HMCN2: variants seen among roughly 807,000 people sequenced by gnomAD.
HMCN2 encodes hemicentin-2.
HMCN2 carries 325 observed loss-of-function variants against 377.5 expected under a neutral mutation model. That is an observed-to-expected ratio of 0.86 (90% confidence interval 0.79 to 0.94). The LOEUF is 0.94. Among genes scored for constraint, HMCN2 ranks in the 40% least tolerant of loss-of-function variants. The probability of loss-of-function intolerance (pLI) is 0.00; values close to 1 mark genes in which losing one functional copy is unlikely to be tolerated. For synonymous variants in HMCN2, 2,007 were observed against 2,046.8 expected (o/e 0.98, Z 0.53); for missense variants, 4,543 against 4,725.3 (o/e 0.96, Z 1.13).
Position 130,410,636 on chromosome 9 carries a change from G to C in HMCN2, c.12945G>C (p.Val4315=). The stretch of plus-strand genomic sequence containing the variant: ...AGATGGGCGTGGCGAAGAAAGTGGT[G>C]ATCCTCGTCCTGCAGAGTGAGTCTC... ...ENEMGVAKKV[V]ILVLQSAPVF... Residue 4315 remains valine (V), a synonymous_variant, in exon 85 of 98, where the codon GTG becomes GTC. Coordinates refer to ENST00000683500, the MANE Select transcript of HMCN2 (RefSeq NM_001291815.2). 1 of 1,550,642 alleles carries C rather than the reference G, an allele frequency of 6.4e-7. No homozygotes were observed. Among genetic ancestry groups the C allele is most frequent in the Non-Finnish European group, 8.7e-7 (1 of 1,147,002 alleles).
At chr9:130,313,788 T>G (rs1304323858) in intron 15 of HMCN2, among the ~76,000 whole-genome samples, 2 of 146,474 alleles carry the variant, frequency 1.4e-5, no homozygotes, top group Non-Finnish European at 1.5e-5. Context: ...TTTTTTTTTT[T>G]TTTTTTTTTG....
chr9:130,346,483 G>A (rs1839397802), intron 25 of HMCN2, among the ~76,000 whole-genome samples: 1 of 151,896 alleles, frequency 6.6e-6, no homozygotes, highest in South Asian at 2.1e-4. Context: ...GGAGGCAGGG[G>A]GGTGTGGCAC....
At position 130,286,890 on chromosome 9, in the gene HMCN2, C is replaced by T. The variant is rs552192359; in HGVS notation, c.612+580C>T. ...GCCTTGCTCCTGGACAGGGCTCTGT[C>T]CTTCCTCCTCTCGGGGCTCCATGGT... On this transcript the variant is annotated intron_variant, in intron 4 of 97. Transcript: ENST00000683500. 3.7e-4 allele frequency among the ~76,000 whole-genome samples: 57 copies of T among 152,290 alleles called. 1 individual carries two copies. In the Middle Eastern group the frequency reaches 0.01, roughly 27 times the overall value.
At position 130,312,539 on chromosome 9, in the gene HMCN2, CCTTTCTTTCTTTCTTTCTTT is replaced by C. The variant is rs1187968109; in HGVS notation, c.2350+2537_2350+2556del. Among the ~76,000 whole-genome samples the C allele has an allele frequency of 6.9e-3, 46 of 6,628 alleles. 1 individual carries two copies. The highest frequency in any genetic ancestry group is 0.043 in the East Asian group (5 of 116). The allele number at this position is 6,628 out of a possible 152,430, so 4.3% of individuals were successfully genotyped here. ...TCCCTCCCTCCCTCCCTCCCTCCCT[CCTTTCTTTCTTTCTTTCTTT>C]CTTTCTTTCTTTCTTTCTTTCTTTC... is the stretch of plus-strand genomic sequence containing the variant. On this transcript the variant is annotated intron_variant, in intron 15 of 97. Coordinates refer to ENST00000683500, the MANE Select transcript of HMCN2 (RefSeq NM_001291815.2).
At chr9:130,267,835 G>A (rs1308007698) in intron 1 of HMCN2, among the ~76,000 whole-genome samples, 1 of 152,224 alleles carries the variant, frequency 6.6e-6, no homozygotes, top group Non-Finnish European at 1.5e-5. Context: ...GGGGTTGTGA[G>A]GAGGTGGGCT....
rs1836618060 is a variant in HMCN2, at chr9:130,303,220, G to C, written c.1421+219G>C. 1.3e-5 allele frequency among the ~76,000 whole-genome samples: 2 copies of C among 152,212 alleles called. No individual in the cohort carries two copies. The highest frequency in any genetic ancestry group is 6.5e-5 in the Admixed American group (1 of 15,278). On this transcript the variant is annotated intron_variant, in intron 9 of 97. Coordinates refer to ENST00000683500, the MANE Select transcript of HMCN2 (RefSeq NM_001291815.2). The surrounding 1 kb of genome is among the most constrained non-coding windows in gnomAD (Gnocchi z 5.2). Reference sequence around the variant, plus strand: ...GGGCCATCAGCTGGTGAAGGAGCCGGGGGCCTTCCTCAGCTCCTGGAAAAC... The same window carrying C: ...GGGCCATCAGCTGGTGAAGGAGCCGCGGGCCTTCCTCAGCTCCTGGAAAAC...
Position 130,310,528 on chromosome 9 carries a change from C to T in HMCN2, c.2350+467C>T, listed in dbSNP as rs371975700. On this transcript the variant is annotated intron_variant, in intron 15 of 97. Transcript: ENST00000683500. ...CACAGTCTTGGAAGTAACAAGCCAT[C>T]GCTTCTGCCCTATTCTTTTGGTCCC... Among the ~76,000 whole-genome samples, 275 of 152,316 alleles carry T rather than the reference C, an allele frequency of 1.8e-3. 1 individual carries two copies. Among genetic ancestry groups the T allele is most frequent in the Middle Eastern group, 3.4e-3 (1 of 294 alleles).
At position 130,379,254 on chromosome 9, in the gene HMCN2, C is replaced by G; in HGVS notation, c.8218C>G (p.Pro2740Ala). Residue 2740 changes from proline to alanine, a missense_variant, in exon 54 of 98, where the codon CCC becomes GCC. Coordinates refer to ENST00000683500, the MANE Select transcript of HMCN2 (RefSeq NM_001291815.2). ...QDFNVLIQVP[P>A]MFQKVGDFSA... is the part of the protein sequence containing the mutation. ...GCTTTGTCTCCCCCACCCAGTGCCCCCCATGTTCCAGAAGGTGGGTGATTT... is the reference window on the plus strand; with the variant it reads ...GCTTTGTCTCCCCCACCCAGTGCCCGCCATGTTCCAGAAGGTGGGTGATTT... 2.7e-5 allele frequency: 27 copies of G among 985,676 alleles called. No homozygotes were observed. Among genetic ancestry groups the G allele is most frequent in the Non-Finnish European group, 3.3e-5 (27 of 829,840 alleles). 61.1% of individuals were successfully genotyped at this position (985,676 alleles called of 1,614,324 possible).
rs942135928 is a variant in HMCN2 at position 130,308,066 on chromosome 9, C to T, written c.2200+500C>T. 3.9e-5 allele frequency among the ~76,000 whole-genome samples: 6 copies of T among 152,110 alleles called. No homozygotes were observed. The highest frequency in any genetic ancestry group is 1.2e-4 in the African/African-American group (5 of 41,404). On this transcript the variant is annotated intron_variant, in intron 14 of 97. Coordinates refer to ENST00000683500, the MANE Select transcript of HMCN2 (RefSeq NM_001291815.2). The surrounding 1 kb of genome is among the most constrained non-coding windows in gnomAD (Gnocchi z 4.1). ...CCACCTCCTGGGTTCAAGGGATTCT[C>T]GTGCCTCAGCCTCTGGAGTAGCTGG... is the stretch of plus-strand genomic sequence containing the variant.
intron 71 of HMCN2, 63 bp downstream of exon 71, chr9:130,395,410 T>C: frequency 8.3e-7 from 1 of 1,207,178 alleles, no homozygotes; most frequent in Non-Finnish European, 1.1e-6. Flanking sequence ...AGACCTGACC[T>C]GGCCGGATCC....
intron 15 of HMCN2, among the ~76,000 whole-genome samples, chr9:130,311,730 G>C (rs1190739305): frequency 6.6e-6 from 1 of 152,146 alleles, no homozygotes; most frequent in Non-Finnish European, 1.5e-5. Flanking sequence ...AGCCCTCCCC[G>C]TGACAAGAGA....
chr9:130,285,667 C>T (rs2131280022), intron 3 of HMCN2, among the ~76,000 whole-genome samples: 1 of 152,356 alleles, frequency 6.6e-6, no homozygotes, highest in Non-Finnish European at 1.5e-5. Flanking sequence ...TTCCTGTCCC[C>T]TTTGCCATTG....
Position 130,369,951 on chromosome 9 carries a change from G to A in HMCN2, c.7069+100G>A. The A allele has an allele frequency of 1.5e-6, 1 of 676,474 alleles. No homozygotes were observed. Among genetic ancestry groups the A allele is most frequent in the South Asian group, 6.6e-5 (1 of 15,262 alleles). 41.9% of individuals were successfully genotyped at this position (676,474 alleles called of 1,614,324 possible). On this transcript the variant is annotated intron_variant, in intron 45 of 97. Transcript: ENST00000683500. The surrounding 1 kb of genome is among the most constrained non-coding windows in gnomAD (Gnocchi z 4.5). The stretch of plus-strand genomic sequence containing the variant: ...ACGGCCCTCAGGCTGTGATCCTGGG[G>A]TCACACCTGTTCTTTCTGGAGTCAG...
At chr9:130,269,540 C>G (rs1239066660) in intron 1 of HMCN2, among the ~76,000 whole-genome samples, 1 of 147,656 alleles carries the variant, frequency 6.8e-6, no homozygotes, top group African/African-American at 2.4e-5. Context: ...TTCAGGGGCC[C>G]GTTTCAGCAC....
At chr9:130,379,567 G>C (rs1282529842) in intron 54 of HMCN2, 100 bp downstream of exon 54, 8 of 420,334 alleles carry the variant, frequency 1.9e-5, no homozygotes, top group African/African-American at 4.3e-5. Context: ...CTGGACCTTA[G>C]CTGCAATTTG....
intron 81 of HMCN2, among the ~76,000 whole-genome samples, chr9:130,405,622 C>T (rs1843053661): frequency 1.3e-5 from 2 of 152,238 alleles, no homozygotes; most frequent in Non-Finnish European, 2.9e-5. Flanking sequence ...TCTTGGAGCC[C>T]CTGTTGGGCC....
intron 1 of HMCN2, among the ~76,000 whole-genome samples, chr9:130,266,687 C>G (rs782747447): frequency 3.3e-5 from 5 of 152,238 alleles, no homozygotes; most frequent in Non-Finnish European, 7.3e-5. Context: ...CCTCGCCTGT[C>G]TTCCCTGGGG....
intron 25 of HMCN2, among the ~76,000 whole-genome samples, chr9:130,344,418 A>G (rs1839230185): frequency 6.9e-6 from 1 of 145,062 alleles, no homozygotes; most frequent in African/African-American, 2.6e-5. Flanking sequence ...GTGTGCATGT[A>G]TGTGTTCTGT....
rs1447753306 is a variant in HMCN2 at position 130,422,152 on chromosome 9, C to T, written c.13232-425C>T. Among the ~76,000 whole-genome samples, 1 of 152,230 alleles carries T rather than the reference C, an allele frequency of 6.6e-6. No individual in the cohort carries two copies. The highest frequency in any genetic ancestry group is 2.4e-5 in the African/African-American group (1 of 41,472). ...AATGGGGCTGTTCAGGTGATGGCAC[C>T]CGGCTCTGGCTCGGTGCCCTGGCTC... On this transcript the variant is annotated intron_variant, in intron 86 of 97. Transcript: ENST00000683500. This position sits in a 1 kb window ranked among gnomAD's most constrained non-coding sequence, Gnocchi z 4.2.
Sources: gnomAD v4.1 joint callset for allele counts (sites outside exome capture counted in the v4.1 genomes callset) on GRCh38, gnomAD v4.1.1 for gene constraint, Gnocchi (gnomAD v3.1) non-coding constraint, MANE v1.5 for transcripts, NCBI Gene and HGNC (gene_info 2026-07-23, HGNC 2026-07-21) for gene names.